Variants in JARID2 observed in about 807,000 individuals in gnomAD.
JARID2 encodes protein Jumonji.
Under a neutral mutation model 125.6 loss-of-function variants are expected in JARID2, and 21 were observed. The ratio of observed to expected loss-of-function variants is 0.17; its 90% CI spans 0.12 to 0.24. The LOEUF is 0.24. JARID2 is among the 10% of genes least tolerant of loss of function. JARID2 has a pLI of 1.00. For missense variants in JARID2, 1,303 were observed against 1,639.6 expected (o/e 0.79, Z 3.55); for synonymous variants, 736 against 661.6 (o/e 1.11, Z -1.73).
chr6:15,318,995 G>C (rs1202899004), intron 1 of JARID2, among the ~76,000 whole-genome samples: 2 of 152,184 alleles, frequency 1.3e-5, no homozygotes, highest in Non-Finnish European at 2.9e-5. Context: ...AAGGACATAA[G>C]GAAGCAGCCT....
chr6:15,479,608 G>A (rs1180088521), intron 5 of JARID2, among the ~76,000 whole-genome samples: 1 of 152,210 alleles, frequency 6.6e-6, no homozygotes, highest in Non-Finnish European at 1.5e-5. Flanking sequence ...TGATCAAAGT[G>A]AAAGAGATTT....
At chr6:15,268,471 G>A (rs1760173209) in intron 1 of JARID2, among the ~76,000 whole-genome samples, 1 of 152,092 alleles carries the variant, frequency 6.6e-6, no homozygotes, top group Non-Finnish European at 1.5e-5. Flanking sequence ...GGGAGATGGG[G>A]GTAAAATAAA....
At chr6:15,269,157 C>T (rs547066835) in intron 1 of JARID2, among the ~76,000 whole-genome samples, 36 of 152,072 alleles carry the variant, frequency 2.4e-4, no homozygotes, top group African/African-American at 8.2e-4. Flanking sequence ...GGAGGAAAAC[C>T]GTTAAATAGC....
chr6:15,251,852 C>T (rs148916699), intron 1 of JARID2, among the ~76,000 whole-genome samples: 11,659 of 152,158 alleles, frequency 0.077, 473 homozygotes, highest in Admixed American at 0.12. Flanking sequence ...GTGGCGCATG[C>T]CTGTAATCCC....
At chr6:15,356,100 T>C (rs1763591346) in intron 1 of JARID2, among the ~76,000 whole-genome samples, 1 of 152,214 alleles carries the variant, frequency 6.6e-6, no homozygotes, top group Non-Finnish European at 1.5e-5. Context: ...GCCTCCCTGT[T>C]TCCCTAGCTA....
intron 3 of JARID2, among the ~76,000 whole-genome samples, chr6:15,429,837 A>G (rs562471171): frequency 1.3e-5 from 2 of 152,330 alleles, no homozygotes; most frequent in South Asian, 4.1e-4. Flanking sequence ...CCCTGGGTAC[A>G]GAAACTCCAC....
intron 3 of JARID2, among the ~76,000 whole-genome samples, chr6:15,415,120 C>A (rs1035410736): frequency 6.6e-6 from 1 of 152,224 alleles, no homozygotes; most frequent in African/African-American, 2.4e-5. Flanking sequence ...TCAGAGAGCA[C>A]AGGGTTGGGG....
intron 3 of JARID2, among the ~76,000 whole-genome samples, chr6:15,450,463 C>T (rs1767869065): frequency 6.6e-6 from 1 of 152,172 alleles, no homozygotes; most frequent in Non-Finnish European, 1.5e-5. Context: ...AACCACTGCG[C>T]CCGGCACTTA....
intron 4 of JARID2, among the ~76,000 whole-genome samples, chr6:15,452,595 C>T (rs1767968276): frequency 1.3e-5 from 2 of 152,092 alleles, no homozygotes; most frequent in African/African-American, 4.8e-5. Flanking sequence ...GTCAATAAGC[C>T]ATGGTGATGA....
At chr6:15,358,503 A>G (rs1341009287) in intron 1 of JARID2, among the ~76,000 whole-genome samples, 3 of 152,226 alleles carry the variant, frequency 2.0e-5, no homozygotes, top group African/African-American at 7.2e-5. Context: ...TGAGATTTTC[A>G]TCATTGAGTT....
chr6:15,265,854 C>T (rs1760063729), intron 1 of JARID2, among the ~76,000 whole-genome samples: 1 of 152,162 alleles, frequency 6.6e-6, no homozygotes, highest in South Asian at 2.1e-4. Context: ...CATTTACATT[C>T]AGACCCCTTC....
chr6:15,437,874 T>G (rs142196672), intron 3 of JARID2, among the ~76,000 whole-genome samples: 2,711 of 151,948 alleles, frequency 0.018, 41 homozygotes, highest in Middle Eastern at 0.024. Flanking sequence ...GGAGGACAAA[T>G]AAATTCTTAG....
In JARID2 at chr6:15,520,761, C is replaced by T. The variant is rs1286821367; in HGVS notation, c.*510C>T. ...CGTCTTCTGCCGTGTGCCAGATGAGCTTGTGATCTGGGAAGCCGGGGCACC... is the reference window on the plus strand; with the variant it reads ...CGTCTTCTGCCGTGTGCCAGATGAGTTTGTGATCTGGGAAGCCGGGGCACC... On this transcript the variant is annotated 3_prime_UTR_variant, in exon 18 of 18. Transcript: ENST00000341776. 2.2e-6 allele frequency: 1 copy of T among 455,846 alleles called. No individual in the cohort carries two copies. Among genetic ancestry groups the T allele is most frequent in the Non-Finnish European group, 4.4e-6 (1 of 226,750 alleles). 28.2% of individuals were successfully genotyped at this position (455,846 alleles called of 1,614,324 possible).
At chr6:15,390,365 C>T (rs556244888) in intron 2 of JARID2, among the ~76,000 whole-genome samples, 7 of 152,216 alleles carry the variant, frequency 4.6e-5, no homozygotes, top group East Asian at 1.9e-4. Flanking sequence ...ATCCGTTCAT[C>T]GCCGCACTGC....
At chr6:15,459,709 T>C (rs1329425362) in intron 4 of JARID2, among the ~76,000 whole-genome samples, 9 of 152,230 alleles carry the variant, frequency 5.9e-5, no homozygotes, top group Non-Finnish European at 1.3e-4. Context: ...AGAGCGTTGC[T>C]GGCCTCATTG....
intron 3 of JARID2, among the ~76,000 whole-genome samples, chr6:15,448,994 A>G (rs1427928849): frequency 6.6e-6 from 1 of 151,986 alleles, no homozygotes; most frequent in East Asian, 1.9e-4. Context: ...CATTTGTAAC[A>G]GATGGAAAAT....
chr6:15,319,864 A>G (rs892452935), intron 1 of JARID2, among the ~76,000 whole-genome samples: 14 of 152,212 alleles, frequency 9.2e-5, no homozygotes, highest in Non-Finnish European at 1.5e-5. Context: ...TGCAAATTTG[A>G]TGCAGTCATC....
chr6:15,367,477 CAATAATTTTAATTTTGCTTTTACCT>C (rs979357128), intron 1 of JARID2, among the ~76,000 whole-genome samples: 3 of 151,978 alleles, frequency 2.0e-5, no homozygotes, highest in Non-Finnish European at 4.4e-5. Context: ...CTCTGCAAAC[CAATAATTTTAATTTTGCTTTTACCT>C]AGGAGTCAGT....
At chr6:15,278,654 G>A (rs1474632759) in intron 1 of JARID2, among the ~76,000 whole-genome samples, 2 of 152,106 alleles carry the variant, frequency 1.3e-5, no homozygotes, top group African/African-American at 4.8e-5. Flanking sequence ...AAATAGTGTA[G>A]CTGGCTGGTA....
Sources: gnomAD v4.1 joint callset for allele counts (sites outside exome capture counted in the v4.1 genomes callset) on GRCh38, gnomAD v4.1.1 for gene constraint, MANE v1.5 for transcripts, NCBI Gene and HGNC (gene_info 2026-07-23, HGNC 2026-07-21) for gene names.